The following DOCK2 variants were observed in gnomAD, a reference collection of about 807,000 sequenced individuals.
The protein encoded by DOCK2 is dedicator of cytokinesis protein 2.
Under a neutral mutation model 248.9 loss-of-function variants are expected in DOCK2, and 87 were observed. The observed-to-expected ratio is 0.35, with a 90% CI of 0.29 to 0.42. The LOEUF (loss-of-function observed/expected upper bound fraction) is 0.42, where lower values mean the gene tolerates loss of function less well. Ranked by LOEUF, DOCK2 falls within the 10% of genes least tolerant of loss-of-function variation. DOCK2 has a pLI of 1.00. For missense variants in DOCK2, 1,747 were observed against 2,300.2 expected (o/e 0.76, Z 4.92); for synonymous variants, 805 against 821.6 (o/e 0.98, Z 0.35).
chr5:169,746,316 A>G (rs1218036269), intron 22 of DOCK2, among the ~76,000 whole-genome samples: 1 of 152,124 alleles, frequency 6.6e-6, no homozygotes, highest in Non-Finnish European at 1.5e-5. Context: ...GACGGGAAAG[A>G]AGGGTGAGGG....
intron 27 of DOCK2, among the ~76,000 whole-genome samples, chr5:169,964,286 G>A (rs1470838685): frequency 6.6e-6 from 1 of 152,096 alleles, no homozygotes; most frequent in African/African-American, 2.4e-5. Context: ...CCGGACTCTG[G>A]CCCCCATCAG....
chr5:170,043,561 G>A (rs774849204), intron 38 of DOCK2, among the ~76,000 whole-genome samples: 9 of 152,068 alleles, frequency 5.9e-5, no homozygotes, highest in African/African-American at 1.9e-4. Context: ...TGTCTTAGTC[G>A]GACCCTTCTA....
In DOCK2 at chr5:170,029,029, T is replaced by G. The variant is rs372778218; in HGVS notation, c.3467+1081T>G. Reference sequence around the variant, plus strand: ...CTTTTTTACTATTCGTATTGATTCTTCTGTGAGCATGCAGGTACAAGTTTT... The same window carrying G: ...CTTTTTTACTATTCGTATTGATTCTGCTGTGAGCATGCAGGTACAAGTTTT... On this transcript the variant is annotated intron_variant, in intron 34 of 51. Transcript: ENST00000520908. 4.0e-4 allele frequency among the ~76,000 whole-genome samples: 61 copies of G among 152,348 alleles called. No homozygotes were observed. In the South Asian group the frequency reaches 8.7e-3, roughly 22 times the overall value.
At chr5:169,740,222 T>C (rs1242031374) in intron 22 of DOCK2, among the ~76,000 whole-genome samples, 1 of 152,242 alleles carries the variant, frequency 6.6e-6, no homozygotes, top group Non-Finnish European at 1.5e-5. Context: ...AGGGTTGCCA[T>C]ATTTTAAAAG....
chr5:170,079,177 C>A (rs147608896), intron 49 of DOCK2, 31 bp downstream of exon 49: 3 of 1,604,456 alleles, frequency 1.9e-6, no homozygotes, highest in Non-Finnish European at 2.6e-6. Flanking sequence ...GCCTCTCCAG[C>A]GCTGTTAGCA....
At chr5:169,639,232 A>G (rs1406657170) in intron 1 of DOCK2, among the ~76,000 whole-genome samples, 1 of 152,220 alleles carries the variant, frequency 6.6e-6, no homozygotes, top group Non-Finnish European at 1.5e-5. Flanking sequence ...TGGTTAATCT[A>G]GCAGGAGGTC....
intron 30 of DOCK2, among the ~76,000 whole-genome samples, chr5:170,007,059 T>G (rs1201056288): frequency 6.6e-6 from 1 of 152,228 alleles, no homozygotes; most frequent in Non-Finnish European, 1.5e-5. Context: ...TTGTTTTGCT[T>G]CTTTCAAAGA....
chr5:169,907,736 T>A (rs1237681827), intron 27 of DOCK2, among the ~76,000 whole-genome samples: 1 of 152,170 alleles, frequency 6.6e-6, no homozygotes, highest in Non-Finnish European at 1.5e-5. Flanking sequence ...TCTAGAGCAG[T>A]GGTTTTCAAC....
chr5:169,996,107 C>A lies in DOCK2; in HGVS notation c.3015C>A (p.Asn1005Lys), dbSNP rs1754623057. The change falls in exon 30 of 52, where the codon AAC becomes AAA. Residue 1005 changes from asparagine (N) to lysine (K), a missense_variant. By Grantham distance (94) the Asn-to-Lys change is moderately conservative (BLOSUM62 0). Coordinates refer to ENST00000520908, the MANE Select transcript of DOCK2 (RefSeq NM_004946.3). ...VQNRVFLRAI[N>K]KFAETMNQKF... ...CCAGGGTCTTCCTGAGAGCTATCAA[C>A]AAGTTTGCAGAAACCATGAACCAGA... 14 of 1,613,980 alleles carry A rather than the reference C, an allele frequency of 8.7e-6. No individual in the cohort carries two copies. The highest frequency in any genetic ancestry group is 1.2e-5 in the Non-Finnish European group (14 of 1,179,890).
At chr5:169,666,675 C>A (rs6883997) in intron 2 of DOCK2, among the ~76,000 whole-genome samples, 1 of 151,898 alleles carries the variant, frequency 6.6e-6, no homozygotes, top group Admixed American at 6.5e-5. Context: ...GTAAAAATGC[C>A]AGAAAAAAGT....
intron 23 of DOCK2, among the ~76,000 whole-genome samples, chr5:169,751,349 T>C (rs1006224304): frequency 3.3e-5 from 5 of 152,088 alleles, no homozygotes; most frequent in Admixed American, 6.5e-5. Flanking sequence ...AGTGACTGTA[T>C]GAAAACATGC....
chr5:170,047,664 C>T, intron 40 of DOCK2, 50 bp downstream of exon 40: 3 of 1,524,364 alleles, frequency 2.0e-6, no homozygotes, highest in Non-Finnish European at 2.7e-6. Context: ...AGGGCCTCGG[C>T]ATCTCAGCGG....
chr5:169,659,028 T>TATC (rs1402397606), intron 2 of DOCK2, among the ~76,000 whole-genome samples: 54 of 133,260 alleles, frequency 4.1e-4, no homozygotes, highest in Middle Eastern at 4.2e-3. Context: ...TTATTATTAT[T>TATC]ATTATTGAGA....
At chr5:169,697,483 C>T (rs540566772) in intron 10 of DOCK2, among the ~76,000 whole-genome samples, 7 of 152,196 alleles carry the variant, frequency 4.6e-5, no homozygotes, top group Admixed American at 6.5e-5. Flanking sequence ...AGTCTTTACT[C>T]TGGGCAGGGA....
At chr5:169,889,508 G>A (rs1401135919) in intron 27 of DOCK2, among the ~76,000 whole-genome samples, 3 of 152,204 alleles carry the variant, frequency 2.0e-5, no homozygotes, top group East Asian at 3.8e-4. Context: ...GTTGTACAGG[G>A]TAGGGGAAGA....
chr5:170,046,248 C>T (rs1332292706), intron 39 of DOCK2, among the ~76,000 whole-genome samples: 1 of 152,184 alleles, frequency 6.6e-6, no homozygotes, highest in Non-Finnish European at 1.5e-5. Context: ...TAAATAAAAA[C>T]ACAAATTTGT....
chr5:169,809,537 A>G (rs1767609986), intron 26 of DOCK2, among the ~76,000 whole-genome samples: 1 of 152,290 alleles, frequency 6.6e-6, no homozygotes, highest in African/African-American at 2.4e-5. Context: ...CTGTGTTTTC[A>G]GAACCATGTG....
chr5:169,977,149 C>A (rs1777744986), intron 27 of DOCK2, among the ~76,000 whole-genome samples: 1 of 152,208 alleles, frequency 6.6e-6, no homozygotes, highest in Non-Finnish European at 1.5e-5. Context: ...TTCCTACCTG[C>A]CAGCAACTGT....
chr5:170,036,815 A>C (rs1756339722), intron 36 of DOCK2, among the ~76,000 whole-genome samples: 1 of 152,186 alleles, frequency 6.6e-6, no homozygotes, highest in Admixed American at 6.5e-5. Context: ...CTTAAGAGTG[A>C]ATACTTTGTG....
Sources: gnomAD v4.1 joint callset for allele counts (sites outside exome capture counted in the v4.1 genomes callset) on GRCh38, gnomAD v4.1.1 for gene constraint, MANE v1.5 for transcripts, NCBI Gene and HGNC (gene_info 2026-07-23, HGNC 2026-07-21) for gene names.